Variants in MCM9 observed in about 807,000 individuals in gnomAD.
MCM9 encodes minichromosome maintenance 9 homologous recombination repair factor, also known as DNA helicase MCM9.
MCM9 carries 55 observed loss-of-function variants against 72.8 expected under a neutral mutation model. The ratio of observed to expected loss-of-function variants is 0.76; its 90% confidence interval spans 0.61 to 0.95. The LOEUF (loss-of-function observed/expected upper bound fraction) is 0.95. Ranked by LOEUF, MCM9 falls within the 40% of genes least tolerant of loss-of-function variation. MCM9 has a pLI of 0.00. For missense variants in MCM9, 1,279 were observed against 1,377.0 expected, an observed-to-expected ratio of 0.93 and a Z score of 1.13; for synonymous variants, 480 against 503.4, an observed-to-expected ratio of 0.95 and a Z score of 0.62.
At chr6:118,826,329 C>T in intron 12 of MCM9, 37 bp from the exon 13 acceptor site, 11 of 1,537,844 alleles carry the variant, frequency 7.2e-6, no homozygotes, top group Non-Finnish European at 9.6e-6. Context: ...AGTCACCAGG[C>T]CAGCCTGCAT....
rs1780528427 is a variant in MCM9 at position 118,911,320 on chromosome 6, C to T, written c.1150+330G>A. On this transcript the variant is annotated intron_variant, in intron 8 of 13. Coordinates refer to ENST00000619706, the MANE Select transcript of MCM9 (RefSeq NM_017696.3). Reference sequence around the variant, plus strand: ...CTATCTACTTGGTAAAGTGAAATATCCCCCTCTTTAGTTTAACATTCCAGT... The same window carrying T: ...CTATCTACTTGGTAAAGTGAAATATTCCCCTCTTTAGTTTAACATTCCAGT... 3.9e-6 allele frequency: 4 copies of T among 1,037,282 alleles called. No homozygotes were observed. In the South Asian group the frequency reaches 1.2e-4, roughly 32 times the overall value. 64.3% of individuals were successfully genotyped at this position (1,037,282 alleles called of 1,614,324 possible). A position where few individuals can be genotyped will look rare whatever the true frequency, so the allele number is the denominator to read the frequency against.
chr6:118,827,834 A>C (rs553091099), intron 11 of MCM9, 93 bp downstream of exon 11: 7 of 1,204,412 alleles, frequency 5.8e-6, no homozygotes, highest in African/African-American at 3.0e-5. Context: ...AGTGGGAGTT[A>C]TTCTCATTCA....
intron 13 of MCM9, among the ~76,000 whole-genome samples, chr6:118,824,694 T>C (rs1275624493): frequency 6.6e-6 from 1 of 152,244 alleles, no homozygotes; most frequent in Non-Finnish European, 1.5e-5. Context: ...ATGATAAAAC[T>C]ATAAATGGTT....
chr6:118,894,296 C>G (rs778414808), intron 8 of MCM9: 26 of 1,488,178 alleles, frequency 1.7e-5, no homozygotes, highest in Non-Finnish European at 2.3e-5. Context: ...CAAGTCGCCG[C>G]TGCACGACGT....
In MCM9 at chr6:118,910,522, A is replaced by G. The variant is rs140753289; in HGVS notation, c.1150+1128T>C. 6,264 of 674,646 alleles carry G rather than the reference A, an allele frequency of 9.3e-3. 34 individuals carry two copies. Among genetic ancestry groups the G allele is most frequent in the South Asian group, 0.029 (432 of 15,050 alleles). The allele number at this position is 674,646 out of a possible 1,614,324, so 41.8% of individuals were successfully genotyped here. ...CAAACTGCCCAAATACTCTGAAATT[A>G]CCAGTCATCCACTTAGATGGCTTGG... On this transcript the variant is annotated intron_variant, in intron 8 of 13. Coordinates refer to ENST00000619706, the MANE Select transcript of MCM9 (RefSeq NM_017696.3).
chr6:118,884,243 T>C lies in MCM9; in HGVS notation c.1150+27407A>G, dbSNP rs146933238. The stretch of plus-strand genomic sequence containing the variant: ...TTACATAAAACAATAATTATACCAA[T>C]GTATTTTTGTGTTTGTAACATATAC... On this transcript the variant is annotated intron_variant, in intron 8 of 13. Transcript: ENST00000619706. Among the ~76,000 whole-genome samples the C allele has an allele frequency of 2.7e-3, 413 of 152,308 alleles. 2 individuals are homozygous for C. The highest frequency in any genetic ancestry group is 9.5e-3 in the African/African-American group (397 of 41,588).
intron 9 of MCM9, among the ~76,000 whole-genome samples, chr6:118,840,553 A>G (rs904426070): frequency 6.6e-5 from 10 of 152,268 alleles, no homozygotes; most frequent in African/African-American, 2.4e-4. Flanking sequence ...CAACAGTGAC[A>G]TATTACTTTG....
intron 8 of MCM9, chr6:118,910,921 A>C (rs1443179660): frequency 1.0e-6 from 1 of 985,326 alleles, no homozygotes; most frequent in South Asian, 4.7e-5. Flanking sequence ...AATGGAAGTT[A>C]ATCTGACTCC....
chr6:118,894,588 C>A, intron 8 of MCM9: 1 of 1,348,936 alleles, frequency 7.4e-7, no homozygotes, highest in Non-Finnish European at 1.0e-6. Context: ...GTTTCCCGGG[C>A]CGGGCCTCGC....
chr6:118,933,953 T>C (rs1252656622), intron 1 of MCM9, among the ~76,000 whole-genome samples: 1 of 86,664 alleles, frequency 1.2e-5, no homozygotes, highest in Non-Finnish European at 2.3e-5. Context: ...CTCCACAATG[T>C]GGACTTTGCC....
At position 118,815,943 on chromosome 6, in the gene MCM9, A is replaced by AT; in HGVS notation, c.2312dup (p.Asn771LysfsTer8). ...TGCTGTTAGAGATCTTCGAAGCCAT[A>AT]TTTTCTCCAGATGTTTTGGGATGAG... On this transcript the variant is annotated frameshift_variant, in exon 14 of 14. Transcript: ENST00000619706. LOFTEE classifies it low-confidence loss of function (END_TRUNC). 1 of 1,550,022 alleles carries AT rather than the reference A, an allele frequency of 6.5e-7. No homozygotes were observed. Among genetic ancestry groups the AT allele is most frequent in the Non-Finnish European group, 8.7e-7 (1 of 1,146,956 alleles).
chr6:118,894,304 C>T, intron 8 of MCM9: 3 of 1,497,902 alleles, frequency 2.0e-6, no homozygotes, highest in Non-Finnish European at 1.8e-6. Context: ...CGCTGCACGA[C>T]GTCTGGCCGG....
chr6:118,906,778 G>A (rs1780207591), intron 8 of MCM9, among the ~76,000 whole-genome samples: 1 of 152,208 alleles, frequency 6.6e-6, no homozygotes, highest in African/African-American at 2.4e-5. Context: ...TTTTGTGAGA[G>A]TGCAGAGTAA....
chr6:118,888,741 T>C (rs1778763225), intron 8 of MCM9, among the ~76,000 whole-genome samples: 1 of 152,058 alleles, frequency 6.6e-6, no homozygotes, highest in Non-Finnish European at 1.5e-5. Context: ...AATTATTGGG[T>C]AATAAAAAGG....
At chr6:118,880,023 G>T (rs36190293) in intron 8 of MCM9, among the ~76,000 whole-genome samples, 122,073 of 151,338 alleles carry the variant, frequency 0.81, 49,674 homozygotes, top group East Asian at 0.92. Flanking sequence ...CAGAGTGAGA[G>T]TGCACAAAAC....
chr6:118,865,741 C>T (rs1173293948), intron 8 of MCM9, among the ~76,000 whole-genome samples: 1 of 152,188 alleles, frequency 6.6e-6, no homozygotes, highest in Non-Finnish European at 1.5e-5. Context: ...AGTCTGATTA[C>T]ACAGCAAGTG....
intron 5 of MCM9, chr6:118,919,688 C>CAAAATA: frequency 6.6e-6 from 1 of 152,282 alleles, no homozygotes; most frequent in East Asian, 1.9e-4. Context: ...TTTTTCAAAA[C>CAAAATA]TAATGTTATA....
intron 8 of MCM9, among the ~76,000 whole-genome samples, chr6:118,890,462 CT>C (rs1401603868): frequency 6.6e-6 from 1 of 152,072 alleles, no homozygotes; most frequent in Middle Eastern, 3.2e-3. Flanking sequence ...AACATTTTTT[CT>C]TTTGCCTATT....
At position 118,863,753 on chromosome 6, in the gene MCM9, C is replaced by A. The variant is rs1036671800; in HGVS notation, c.1151-7208G>T. On this transcript the variant is annotated intron_variant, in intron 8 of 13. Coordinates refer to ENST00000619706, the MANE Select transcript of MCM9 (RefSeq NM_017696.3). ...GCCCCTTGCCATGTAATGTCTTCTA[C>A]CACCTCAGAACTCTGCAGAGAGTCC... 2.0e-5 allele frequency among the ~76,000 whole-genome samples: 3 copies of A among 152,280 alleles called. No individual in the cohort carries two copies. The South Asian group carries it at 6.2e-4, about 32-fold the overall frequency.
Sources: allele counts gnomAD v4.1 joint callset (sites outside exome capture counted in the v4.1 genomes callset), GRCh38; gene constraint gnomAD v4.1.1; transcripts MANE v1.5; gene names NCBI Gene and HGNC (gene_info 2026-07-23, HGNC 2026-07-21).